PIK3C3: variants seen among roughly 807,000 people sequenced by gnomAD.
The protein encoded by PIK3C3 is PI3-kinase type 3.
PIK3C3 carries 95 observed loss-of-function variants against 126.1 expected under a neutral mutation model. The ratio of observed to expected loss-of-function variants is 0.75; its 90% CI spans 0.64 to 0.89. The LOEUF is 0.89. PIK3C3 is among the 40% of genes least tolerant of loss of function. The pLI, the probability that PIK3C3 is intolerant of heterozygous loss-of-function variation, is 0.00. For missense variants in PIK3C3, 829 were observed against 1,063.2 expected (o/e 0.78, Z 3.06); for synonymous variants, 374 against 360.0 (o/e 1.04, Z -0.44).
Position 42,040,765 on chromosome 18 carries a change from C to G in PIK3C3, c.2103+24C>G, listed in dbSNP as rs762212915. 4.8e-6 allele frequency: 7 copies of G among 1,444,034 alleles called. No individual in the cohort carries two copies. The Admixed American group carries it at 1.2e-4, about 25-fold the overall frequency. The allele number at this position is 1,444,034 out of a possible 1,614,324, so 89.5% of individuals were successfully genotyped here. On this transcript the variant is annotated intron_variant, in intron 19 of 24. Coordinates refer to ENST00000262039, the MANE Select transcript of PIK3C3 (RefSeq NM_002647.4). ...AGGTATGGTATCAATAAAGATTATGCAATTCATGAATATATTCTTGTCATA... is the reference window on the plus strand; with the variant it reads ...AGGTATGGTATCAATAAAGATTATGGAATTCATGAATATATTCTTGTCATA...
rs187887477 is a variant in PIK3C3, at chr18:42,025,771, G to T, written c.1485-1672G>T. The stretch of plus-strand genomic sequence containing the variant: ...TAATGGAATTCAAGATTAGACCTTA[G>T]ATGTAAAAAATGAATATGTATTTAT... On this transcript the variant is annotated intron_variant, in intron 13 of 24. Coordinates refer to ENST00000262039, the MANE Select transcript of PIK3C3 (RefSeq NM_002647.4). 1.1e-4 allele frequency: 17 copies of T among 152,274 alleles called. No homozygotes were observed. The East Asian group carries it at 3.3e-3, about 29-fold the overall frequency. 9.4% of individuals were successfully genotyped at this position (152,274 alleles called of 1,614,324 possible). A position where few individuals can be genotyped will look rare whatever the true frequency, so the allele number is the denominator to read the frequency against.
chr18:42,048,646 C>T (rs1335527884), intron 20 of PIK3C3, among the ~76,000 whole-genome samples: 1 of 152,064 alleles, frequency 6.6e-6, no homozygotes, highest in African/African-American at 2.4e-5. Context: ...ATAATTATGC[C>T]ATTGCTTAAG....
Position 42,079,629 on chromosome 18 carries a change from A to T in PIK3C3, c.2650-1494A>T, listed in dbSNP as rs527263295. 5.9e-5 allele frequency among the ~76,000 whole-genome samples: 9 copies of T among 152,348 alleles called. No homozygotes were observed. In the South Asian group the frequency reaches 1.9e-3, roughly 32 times the overall value. On this transcript the variant is annotated intron_variant, in intron 24 of 24. Coordinates refer to ENST00000262039, the MANE Select transcript of PIK3C3 (RefSeq NM_002647.4). ...TCTGTGAGGTGCAGTAAAGCTAAGCACAATAAAACAAGGTATGCTGGTATA... is the reference window on the plus strand; with the variant it reads ...TCTGTGAGGTGCAGTAAAGCTAAGCTCAATAAAACAAGGTATGCTGGTATA...
chr18:41,986,154 A>C (rs1981466281), intron 4 of PIK3C3, among the ~76,000 whole-genome samples: 1 of 152,136 alleles, frequency 6.6e-6, no homozygotes, highest in Non-Finnish European at 1.5e-5. Context: ...TAGCTTGGCC[A>C]CTTCATAGTA....
chr18:41,970,501 CTAT>C (rs771325667), intron 4 of PIK3C3, 45 bp downstream of exon 4: 1 of 1,567,304 alleles, frequency 6.4e-7, no homozygotes, highest in Admixed American at 1.7e-5. Flanking sequence ...TGACTGATGT[CTAT>C]TGTAGTATAT....
intron 19 of PIK3C3, 44 bp downstream of exon 19, chr18:42,040,785 GT>G (rs1567996214): frequency 1.6e-6 from 2 of 1,280,602 alleles, no homozygotes; most frequent in Non-Finnish European, 2.2e-6. Context: ...ATATATTCTT[GT>G]CATAAAAAAT....
intron 8 of PIK3C3, 119 bp downstream of exon 8, chr18:41,996,113 C>A: frequency 1.5e-6 from 1 of 683,834 alleles, no homozygotes; most frequent in South Asian, 1.8e-5. Context: ...GTTGATGAAT[C>A]CTACATCATG....
intron 3 of PIK3C3, among the ~76,000 whole-genome samples, chr18:41,968,023 C>T (rs1277102964): frequency 6.6e-6 from 1 of 152,172 alleles, no homozygotes; most frequent in Non-Finnish European, 1.5e-5. Flanking sequence ...CTGCAAAGTT[C>T]CATTAGTGTC....
At chr18:41,962,343 T>C in intron 2 of PIK3C3, 146 bp from the exon 3 acceptor site, 4 of 494,040 alleles carry the variant, frequency 8.1e-6, no homozygotes, top group South Asian at 1.4e-4. Flanking sequence ...TTTAGCAAAA[T>C]TGAGGTGACT....
intron 21 of PIK3C3, among the ~76,000 whole-genome samples, chr18:42,052,022 T>TG (rs1271840090): frequency 6.6e-6 from 1 of 151,832 alleles, no homozygotes; most frequent in Admixed American, 6.6e-5. Context: ...AATTTGCCAG[T>TG]GGAAAAAAAG....
In PIK3C3 at chr18:42,067,392, A is replaced by G; in HGVS notation, c.2528A>G (p.Gln843Arg). The G allele has an allele frequency of 2.5e-6, 4 of 1,614,014 alleles. No homozygotes were observed. The highest frequency in any genetic ancestry group is 2.5e-6 in the Non-Finnish European group (3 of 1,179,896). The stretch of plus-strand genomic sequence containing the variant: ...ACTAAGAGTGTTATCTTATAGGTTC[A>G]GGATAAATTCCGCTTAGACCTGTCG... ...LEPDKTVKKV[Q>R]DKFRLDLSDE... Residue 843 changes from glutamine to arginine, a missense_variant, in exon 24 of 25, where the codon CAG (glutamine) becomes CGG (arginine). Coordinates refer to ENST00000262039, the MANE Select transcript of PIK3C3 (RefSeq NM_002647.4).
At chr18:42,033,805 A>G in intron 15 of PIK3C3, 21 bp from the exon 16 acceptor site, 2 of 1,562,314 alleles carry the variant, frequency 1.3e-6, no homozygotes, top group Non-Finnish European at 1.7e-6. Context: ...AACCTCATTA[A>G]TCCTTTCTGA....
At chr18:41,963,109 T>C (rs1980180054) in intron 3 of PIK3C3, among the ~76,000 whole-genome samples, 1 of 152,134 alleles carries the variant, frequency 6.6e-6, no homozygotes, top group Non-Finnish European at 1.5e-5. Flanking sequence ...AATCCCATAG[T>C]CCCAAAGGAT....
chr18:41,968,887 G>C (rs1450662073), intron 3 of PIK3C3, among the ~76,000 whole-genome samples: 1 of 151,712 alleles, frequency 6.6e-6, no homozygotes, highest in African/African-American at 2.4e-5. Context: ...GTGCAAACAT[G>C]GCTCACTATA....
At chr18:41,957,426 A>T in intron 1 of PIK3C3, 144 bp from the exon 2 acceptor site, 1 of 656,392 alleles carries the variant, frequency 1.5e-6, no homozygotes, top group Non-Finnish European at 2.4e-6. Context: ...TTTAGGTAGC[A>T]TACCTTAACA....
intron 24 of PIK3C3, among the ~76,000 whole-genome samples, chr18:42,072,679 G>A (rs2144528427): frequency 6.6e-6 from 1 of 152,140 alleles, no homozygotes; most frequent in South Asian, 2.1e-4. Context: ...GTACAGGCAT[G>A]CACCACCATA....
At chr18:42,018,225 T>A (rs939381795) in intron 12 of PIK3C3, among the ~76,000 whole-genome samples, 1 of 152,062 alleles carries the variant, frequency 6.6e-6, no homozygotes, top group Non-Finnish European at 1.5e-5. Flanking sequence ...TTCTTTAAAT[T>A]GTTTTAAAAC....
At chr18:41,981,002 C>G (rs976354640) in intron 4 of PIK3C3, among the ~76,000 whole-genome samples, 29 of 152,090 alleles carry the variant, frequency 1.9e-4, no homozygotes, top group Admixed American at 9.8e-4. Flanking sequence ...TCAAGGCTAT[C>G]AAATTTATTC....
intron 24 of PIK3C3, among the ~76,000 whole-genome samples, chr18:42,076,073 T>C (rs1985960439): frequency 7.1e-6 from 1 of 139,888 alleles, no homozygotes; most frequent in African/African-American, 2.6e-5. Flanking sequence ...CCATCAGCAC[T>C]GGCTGCTTTA....
Sources: allele counts gnomAD v4.1 joint callset (sites outside exome capture counted in the v4.1 genomes callset), GRCh38; gene constraint gnomAD v4.1.1; transcripts MANE v1.5; gene names NCBI Gene and HGNC (gene_info 2026-07-23, HGNC 2026-07-21).